UBLCP1: variants seen among roughly 807,000 people sequenced by gnomAD.
UBLCP1 encodes ubiquitin-like domain-containing CTD phosphatase 1.
In UBLCP1, 28 loss-of-function variants were observed where a neutral mutation model predicts 42.4. The observed-to-expected ratio is 0.66, with a 90% confidence interval of 0.49 to 0.90. The LOEUF (loss-of-function observed/expected upper bound fraction) is 0.90, where lower values mean the gene tolerates loss of function less well. Among genes scored for constraint, UBLCP1 ranks in the 40% least tolerant of loss-of-function variants. The pLI is 0.00. For missense variants in UBLCP1, 279 were observed against 374.5 expected, an observed-to-expected ratio of 0.75 and a Z score of 2.10; for synonymous variants, 122 against 120.8, an observed-to-expected ratio of 1.01 and a Z score of -0.07.
intron 8 of UBLCP1, 67 bp from the exon 9 acceptor site, chr5:159,278,171 A>G: frequency 1.8e-6 from 2 of 1,129,492 alleles, no homozygotes; most frequent in Non-Finnish European, 2.7e-6. Flanking sequence ...AGTTTGCAGT[A>G]TTCCTGCTTT....
chr5:159,265,119 TAGG>T (rs1466804540), intron 1 of UBLCP1, among the ~76,000 whole-genome samples: 4 of 152,216 alleles, frequency 2.6e-5, no homozygotes, highest in Non-Finnish European at 5.9e-5. Context: ...ATTGTAAACA[TAGG>T]AGTAAATATA....
chr5:159,278,386 T>C (rs1464082344), intron 9 of UBLCP1, 32 bp downstream of exon 9: 8 of 1,433,942 alleles, frequency 5.6e-6, no homozygotes, highest in Non-Finnish European at 3.0e-6. Flanking sequence ...TATGTGCTCA[T>C]GTAATCTGGG....
rs748447058 is a variant in UBLCP1, at chr5:159,284,954, T to C, written c.*23T>C. 3 of 1,609,734 alleles carry C rather than the reference T, an allele frequency of 1.9e-6. No individual in the cohort carries two copies. In the Admixed American group the frequency reaches 5.0e-5, roughly 27 times the overall value. On this transcript the variant is annotated 3_prime_UTR_variant, in exon 11 of 11. Transcript: ENST00000296786. ...TAGTTACAAGTTATACTGGCAGTTA[T>C]TGAAGATACTTAAGATCCAAGAACT...
At chr5:159,270,061 G>T (rs1238310756) in intron 3 of UBLCP1, 62 bp downstream of exon 3, 60 of 1,348,558 alleles carry the variant, frequency 4.4e-5, no homozygotes, top group Non-Finnish European at 6.1e-5. Flanking sequence ...ATACTACACT[G>T]TTGTATTATA....
At position 159,278,260 on chromosome 5, in the gene UBLCP1, G is replaced by A; in HGVS notation, c.707G>A (p.Trp236Ter). Residue 236 changes from tryptophan to a stop codon, truncating the protein, a stop_gained, in exon 9 of 11, where the codon TGG (tryptophan) becomes TAG (stop). Coordinates refer to ENST00000296786, the MANE Select transcript of UBLCP1 (RefSeq NM_145049.5). LOFTEE classifies it high-confidence loss of function. Reference protein sequence around the residue: ...LIDVKPLGVIWGKFSEFYSKK... With the variant: ...LIDVKPLGVI ...AAGGTAAAGCCTCTTGGTGTTATATGGGGAAAGTTTTCGGAGTTTTACAGC... is the reference window on the plus strand; with the variant it reads ...AAGGTAAAGCCTCTTGGTGTTATATAGGGAAAGTTTTCGGAGTTTTACAGC... 1 of 1,613,152 alleles carries A rather than the reference G, an allele frequency of 6.2e-7. No homozygotes were observed. Among genetic ancestry groups the A allele is most frequent in the Non-Finnish European group, 8.5e-7 (1 of 1,179,320 alleles).
At chr5:159,267,340 C>T (rs1351102835) in intron 1 of UBLCP1, among the ~76,000 whole-genome samples, 1 of 152,170 alleles carries the variant, frequency 6.6e-6, no homozygotes, top group Non-Finnish European at 1.5e-5. Flanking sequence ...CCTGTAACCC[C>T]TTTGTTTTGG....
intron 9 of UBLCP1, 128 bp from the exon 10 acceptor site, chr5:159,283,084 A>G: frequency 1.1e-6 from 1 of 924,584 alleles, no homozygotes; most frequent in Non-Finnish European, 1.6e-6. Context: ...CTAATATAAA[A>G]GTAATTTTTA....
intron 7 of UBLCP1, 43 bp from the exon 8 acceptor site, chr5:159,275,105 C>T (rs1363709858): frequency 7.7e-6 from 12 of 1,554,106 alleles, no homozygotes; most frequent in Non-Finnish European, 9.7e-6. Context: ...CTGAAATTTT[C>T]CACACTACTA....
rs1753521664 is a variant in UBLCP1, at chr5:159,275,391, T to A, written c.684+145T>A. The stretch of plus-strand genomic sequence containing the variant: ...GAGTTTTGACATAGGAAAATGTATT[T>A]AAGGTTAAAAGATTTTTTTTTTTTT... On this transcript the variant is annotated intron_variant, in intron 8 of 10. Coordinates refer to ENST00000296786, the MANE Select transcript of UBLCP1 (RefSeq NM_145049.5). The A allele has an allele frequency of 5.6e-6, 3 of 536,566 alleles. No individual in the cohort carries two copies. The South Asian group carries it at 7.9e-5, about 14-fold the overall frequency. 33.2% of individuals were successfully genotyped at this position (536,566 alleles called of 1,614,324 possible). A position where few individuals can be genotyped will look rare whatever the true frequency, so the allele number is the denominator to read the frequency against.
intron 6 of UBLCP1, among the ~76,000 whole-genome samples, chr5:159,273,123 ATG>A (rs1264913081): frequency 5.9e-5 from 9 of 152,330 alleles, no homozygotes; most frequent in African/African-American, 2.2e-4. Context: ...TGTTTGTGAT[ATG>A]TGAGTTCCAT....
chr5:159,283,061 CT>C lies in UBLCP1; in HGVS notation c.802-148del, dbSNP rs1299885359. 29 of 705,790 alleles carry C rather than the reference CT, an allele frequency of 4.1e-5. No individual in the cohort carries two copies. In the South Asian group the frequency reaches 4.2e-4, roughly 10 times the overall value. 43.7% of individuals were successfully genotyped at this position (705,790 alleles called of 1,614,324 possible). A position where few individuals can be genotyped will look rare whatever the true frequency, so the allele number is the denominator to read the frequency against. On this transcript the variant is annotated intron_variant, in intron 9 of 10. Coordinates refer to ENST00000296786, the MANE Select transcript of UBLCP1 (RefSeq NM_145049.5). ...TGTAATTTGTAAACATTATACATGACTTTCTATTTAGGCTAATATAAAAGTA... is the reference window on the plus strand; with the variant it reads ...TGTAATTTGTAAACATTATACATGACTTCTATTTAGGCTAATATAAAAGTA...
chr5:159,274,748 TG>T lies in UBLCP1; in HGVS notation c.585+129del, dbSNP rs1467051526. On this transcript the variant is annotated intron_variant, in intron 7 of 10. Transcript: ENST00000296786. ...TTAGTAGATAGATAAATGCCATTAT[TG>T]GGAGTAGAGGTGTTTTTAAAGTGTG... The T allele has an allele frequency of 5.1e-6, 4 of 782,054 alleles. No individual in the cohort carries two copies. In the East Asian group the frequency reaches 8.2e-5, roughly 16 times the overall value. 48.4% of individuals were successfully genotyped at this position (782,054 alleles called of 1,614,324 possible).
At chr5:159,276,662 A>G (rs1753541276) in intron 8 of UBLCP1, among the ~76,000 whole-genome samples, 1 of 152,212 alleles carries the variant, frequency 6.6e-6, no homozygotes, top group Admixed American at 6.5e-5. Flanking sequence ...ATGTAGTAGG[A>G]TATGTAATGA....
chr5:159,280,593 C>T (rs759532523), intron 9 of UBLCP1, among the ~76,000 whole-genome samples: 24 of 152,174 alleles, frequency 1.6e-4, no homozygotes, highest in Non-Finnish European at 2.4e-4. Context: ...TGAGCCACTG[C>T]GCCCAGCCCA....
chr5:159,269,131 T>G (rs1027400269), intron 2 of UBLCP1, 62 bp downstream of exon 2: 13 of 1,223,814 alleles, frequency 1.1e-5, no homozygotes, highest in African/African-American at 3.2e-5. Flanking sequence ...ATTTTAATAA[T>G]TATTTTGAAT....
chr5:159,269,127 A>G (rs1314874371), intron 2 of UBLCP1, 58 bp downstream of exon 2: 3 of 1,286,492 alleles, frequency 2.3e-6, no homozygotes, highest in South Asian at 1.8e-5. Flanking sequence ...ATGAATTTTA[A>G]TAATTATTTT....
Position 159,274,594 on chromosome 5 carries a change from A to C in UBLCP1, c.557A>C (p.Asn186Thr). The stretch of plus-strand genomic sequence containing the variant: ...ATTCCTCGTGTTTTAGCTGCAACAA[A>C]TATGAAGTGGATTGAAGCTAAAATG... ...DYDIVIWSAT[N>T]MKWIEAKMKE... is the part of the protein sequence containing the mutation. Residue 186 changes from asparagine to threonine, a missense_variant, in exon 7 of 11, where the codon AAT becomes ACT. Coordinates refer to ENST00000296786, the MANE Select transcript of UBLCP1 (RefSeq NM_145049.5). 1 of 1,611,646 alleles carries C rather than the reference A, an allele frequency of 6.2e-7. No individual in the cohort carries two copies. The highest frequency in any genetic ancestry group is 8.5e-7 in the Non-Finnish European group (1 of 1,178,750).
chr5:159,277,077 C>A (rs765036424), intron 8 of UBLCP1, among the ~76,000 whole-genome samples: 3 of 151,750 alleles, frequency 2.0e-5, no homozygotes, highest in Admixed American at 2.0e-4. Context: ...TAAAAAATGA[C>A]CTCTGTTGTC....
At chr5:159,270,974 G>A (rs200628975) in intron 5 of UBLCP1, among the ~76,000 whole-genome samples, 3 of 115,780 alleles carry the variant, frequency 2.6e-5, no homozygotes, top group African/African-American at 8.2e-5. Flanking sequence ...ATATATATAT[G>A]TGTGTGTGTG....
Sources: gnomAD v4.1 joint callset for allele counts (sites outside exome capture counted in the v4.1 genomes callset) on GRCh38, gnomAD v4.1.1 for gene constraint, MANE v1.5 for transcripts, NCBI Gene and HGNC (gene_info 2026-07-23, HGNC 2026-07-21) for gene names.